Variants in CHST11 observed in about 807,000 individuals in gnomAD.
CHST11 encodes carbohydrate sulfotransferase 11, also known as C4S-1.
CHST11 carries 9 observed loss-of-function variants against 30.4 expected under a neutral mutation model. The ratio of observed to expected loss-of-function variants is 0.30; its 90% CI spans 0.18 to 0.52. The LOEUF is 0.52. CHST11 is among the 20% of genes least tolerant of loss of function. CHST11 has a pLI of 0.97. For missense variants in CHST11, 348 were observed against 460.6 expected, an observed-to-expected ratio of 0.76 and a Z score of 2.24; for synonymous variants, 152 against 187.8, an observed-to-expected ratio of 0.81 and a Z score of 1.56.
At chr12:104,681,742 C>G (rs964469244) in intron 2 of CHST11, among the ~76,000 whole-genome samples, 1 of 151,302 alleles carries the variant, frequency 6.6e-6, no homozygotes, top group Non-Finnish European at 1.5e-5. Context: ...CCAGTTGCTA[C>G]TTGGGAGACA....
chr12:104,652,746 G>T (rs1380019880), intron 2 of CHST11, among the ~76,000 whole-genome samples: 4 of 152,200 alleles, frequency 2.6e-5, no homozygotes, highest in African/African-American at 9.7e-5. Flanking sequence ...AAATGAAGCT[G>T]CTAATGGATG....
At chr12:104,548,440 T>G (rs1231584363) in intron 1 of CHST11, among the ~76,000 whole-genome samples, 1 of 152,184 alleles carries the variant, frequency 6.6e-6, no homozygotes, top group East Asian at 1.9e-4. Flanking sequence ...CACAGTCAGT[T>G]CTTGTGAGTT....
intron 2 of CHST11, among the ~76,000 whole-genome samples, chr12:104,735,599 G>C (rs191506565): frequency 6.6e-6 from 1 of 152,302 alleles, no homozygotes; most frequent in East Asian, 1.9e-4. Flanking sequence ...AGAAGAGAGT[G>C]AGCAAATCCA....
At chr12:104,662,140 G>A (rs769618011) in intron 2 of CHST11, among the ~76,000 whole-genome samples, 2 of 152,184 alleles carry the variant, frequency 1.3e-5, no homozygotes, top group African/African-American at 2.4e-5. Flanking sequence ...TAGGATCTCA[G>A]TGTATGTTAC....
chr12:104,523,688 G>A (rs2038095658), intron 1 of CHST11, among the ~76,000 whole-genome samples: 1 of 152,218 alleles, frequency 6.6e-6, no homozygotes, highest in African/African-American at 2.4e-5. Context: ...CCGCAGAGCA[G>A]CCTCACCCTT....
Position 104,494,639 on chromosome 12 carries a change from A to G in CHST11, c.118+37110A>G, listed in dbSNP as rs1436703429. On this transcript the variant is annotated intron_variant, in intron 1 of 2. Transcript: ENST00000303694. ...CCAGCGCTTCTCAGAACAATGTCGT[A>G]GGCGTATTAGCTCTGTAAGTCACCA... 3.3e-5 allele frequency among the ~76,000 whole-genome samples: 5 copies of G among 152,200 alleles called. No homozygotes were observed. The East Asian group carries it at 5.8e-4, about 18-fold the overall frequency.
At position 104,616,759 on chromosome 12, in the gene CHST11, C is replaced by T. The variant is rs975342860; in HGVS notation, c.204+14768C>T. On this transcript the variant is annotated intron_variant, in intron 2 of 2. Transcript: ENST00000303694. ...GATTACAGGCATGAGCCACTGTGCCCGGCCAGGAAACTTTTTAACAGACTC... is the reference window on the plus strand; with the variant it reads ...GATTACAGGCATGAGCCACTGTGCCTGGCCAGGAAACTTTTTAACAGACTC... Among the ~76,000 whole-genome samples, 7 of 152,158 alleles carry T rather than the reference C, an allele frequency of 4.6e-5. 1 individual carries two copies. Among genetic ancestry groups the T allele is most frequent in the South Asian group, 4.1e-4 (2 of 4,830 alleles).
chr12:104,751,059 A>G (rs2040428212), intron 2 of CHST11, among the ~76,000 whole-genome samples: 1 of 152,184 alleles, frequency 6.6e-6, no homozygotes, highest in Non-Finnish European at 1.5e-5. Flanking sequence ...TGGAGGGGAA[A>G]GAAACCTCAA....
chr12:104,478,628 T>C (rs1459729835), intron 1 of CHST11, among the ~76,000 whole-genome samples: 2 of 152,234 alleles, frequency 1.3e-5, no homozygotes, highest in Non-Finnish European at 2.9e-5. Flanking sequence ...TAGTTCAGGC[T>C]GTTCCTGTTA....
intron 1 of CHST11, among the ~76,000 whole-genome samples, chr12:104,493,324 T>C (rs376477892): frequency 4.6e-5 from 7 of 152,218 alleles, no homozygotes; most frequent in African/African-American, 1.4e-4. Context: ...CATCAGATGA[T>C]GGATGTGGAA....
At chr12:104,750,428 C>CCTTTTTTTTTTTTTTTTTTTTTTTTTT (rs1420945578) in intron 2 of CHST11, among the ~76,000 whole-genome samples, 1 of 48,828 alleles carries the variant, frequency 2.0e-5, no homozygotes, top group Admixed American at 3.2e-4. Flanking sequence ...TATTTCTGCA[C>CCTTTTTTTTTTTTTTTTTTTTTTTTTT]TTTTTTTTTT....
intron 1 of CHST11, among the ~76,000 whole-genome samples, chr12:104,488,622 C>CGT: frequency 2.5e-5 from 2 of 79,700 alleles, no homozygotes; most frequent in African/African-American, 9.8e-5. Context: ...TGTATGTGTG[C>CGT]ATGTATGTGT....
chr12:104,503,153 A>T (rs533330626), intron 1 of CHST11, among the ~76,000 whole-genome samples: 1 of 152,252 alleles, frequency 6.6e-6, no homozygotes, highest in Non-Finnish European at 1.5e-5. Context: ...CCATCCAGAC[A>T]TCGTCAGGGT....
At chr12:104,551,981 G>A (rs576801025) in intron 1 of CHST11, 2 of 152,392 alleles carry the variant, frequency 1.3e-5, no homozygotes, top group African/African-American at 4.8e-5. Flanking sequence ...GATCTGCAGA[G>A]CATTCATTTG....
intron 1 of CHST11, among the ~76,000 whole-genome samples, chr12:104,459,428 C>T (rs1294955446): frequency 6.6e-6 from 1 of 152,162 alleles, no homozygotes; most frequent in Non-Finnish European, 1.5e-5. Flanking sequence ...TCGCTGGGAC[C>T]GTGAATGCCA....
chr12:104,697,454 G>A (rs530285871), intron 2 of CHST11, among the ~76,000 whole-genome samples: 3 of 152,248 alleles, frequency 2.0e-5, no homozygotes, highest in South Asian at 4.2e-4. Flanking sequence ...GAGCTGGGAC[G>A]TCGGAGCTCC....
chr12:104,650,846 CAGTGTGG>C (rs1453203263), intron 2 of CHST11, among the ~76,000 whole-genome samples: 1 of 152,160 alleles, frequency 6.6e-6, no homozygotes, highest in Non-Finnish European at 1.5e-5. Context: ...AGAACCTTGC[CAGTGTGG>C]AGGTGGTTAA....
At chr12:104,649,609 A>C (rs946234528) in intron 2 of CHST11, among the ~76,000 whole-genome samples, 2 of 152,232 alleles carry the variant, frequency 1.3e-5, no homozygotes, top group African/African-American at 4.8e-5. Context: ...TGGTTTCTGT[A>C]TGAAGCTTTC....
At chr12:104,533,732 C>T (rs2135996565) in intron 1 of CHST11, among the ~76,000 whole-genome samples, 1 of 152,218 alleles carries the variant, frequency 6.6e-6, no homozygotes, top group South Asian at 2.1e-4. Flanking sequence ...TATCACTTGT[C>T]GGGGACAGTG....
Sources: allele counts gnomAD v4.1 joint callset (sites outside exome capture counted in the v4.1 genomes callset), GRCh38; gene constraint gnomAD v4.1.1; transcripts MANE v1.5; gene names NCBI Gene and HGNC (gene_info 2026-07-23, HGNC 2026-07-21).